Variants in ZIM2 observed in about 807,000 individuals in gnomAD.
ZIM2 encodes the protein zinc finger protein 656.
ZIM2 carries 14 observed loss-of-function variants against 38.6 expected under a neutral mutation model. The ratio of observed to expected loss-of-function variants is 0.36; its 90% CI spans 0.24 to 0.57. The LOEUF is 0.57. ZIM2 is among the 20% of genes least tolerant of loss of function. ZIM2 has a pLI of 0.81. For missense variants in ZIM2, 680 were observed against 695.1 expected (o/e 0.98, Z 0.24); for synonymous variants, 247 against 245.8 (o/e 1.00, Z -0.04).
intron 11 of ZIM2, 73 bp from the exon 12 acceptor site, chr19:56,779,545 A>G: frequency 7.0e-7 from 1 of 1,432,752 alleles, no homozygotes; most frequent in Admixed American, 1.7e-5. Context: ...CTCTGGAATA[A>G]TAAGGAAGGA....
chr19:56,822,641 T>C (rs2146323700), intron 6 of ZIM2, 112 bp downstream of exon 6: 3 of 1,442,248 alleles, frequency 2.1e-6, no homozygotes, highest in Non-Finnish European at 2.8e-6. Context: ...GGAAGCGGAA[T>C]ATACTCCAAA....
At chr19:56,788,658 G>T (rs1386172590) in intron 10 of ZIM2, among the ~76,000 whole-genome samples, 1 of 152,088 alleles carries the variant, frequency 6.6e-6, no homozygotes, top group African/African-American at 2.4e-5. Context: ...GTATTTTTGT[G>T]GTGGTCTCTG....
chr19:56,783,492 G>A (rs779672005), intron 10 of ZIM2, among the ~76,000 whole-genome samples: 5 of 152,096 alleles, frequency 3.3e-5, no homozygotes, highest in East Asian at 1.9e-4. Context: ...GAACAAAATC[G>A]TGTCCTCTGC....
At chr19:56,782,992 C>G (rs2046404244) in intron 10 of ZIM2, among the ~76,000 whole-genome samples, 1 of 151,708 alleles carries the variant, frequency 6.6e-6, no homozygotes, top group Non-Finnish European at 1.5e-5. Context: ...ACTTGCTAAC[C>G]ATCTCCACCT....
intron 1 of ZIM2, among the ~76,000 whole-genome samples, chr19:56,838,568 G>C (rs1166041709): frequency 6.6e-6 from 1 of 152,208 alleles, no homozygotes; most frequent in East Asian, 1.9e-4. Context: ...GGTGAACAAA[G>C]TCTTGGTCAG....
At chr19:56,816,520 G>T (rs781110689) in intron 9 of ZIM2, 2 of 1,613,458 alleles carry the variant, frequency 1.2e-6, no homozygotes, top group Admixed American at 1.7e-5. Flanking sequence ...TTCTTTCAGG[G>T]ATGAGCTATG....
intron 9 of ZIM2, among the ~76,000 whole-genome samples, chr19:56,808,324 T>C (rs2146035264): frequency 6.6e-6 from 1 of 152,304 alleles, no homozygotes; most frequent in Admixed American, 6.5e-5. Flanking sequence ...CTTGAACTAC[T>C]TTGGTTTGAG....
chr19:56,835,579 C>T (rs2062010988), intron 2 of ZIM2, among the ~76,000 whole-genome samples: 1 of 152,318 alleles, frequency 6.6e-6, no homozygotes, highest in East Asian at 1.9e-4. Context: ...TGTTCTCTTG[C>T]AAAAGTATAA....
intron 6 of ZIM2, 83 bp downstream of exon 6, chr19:56,822,670 G>A (rs761720909): frequency 1.7e-5 from 26 of 1,549,260 alleles, no homozygotes; most frequent in Non-Finnish European, 2.1e-5. Context: ...CAGAAACTTC[G>A]AGGCCCTGGC....
intron 1 of ZIM2, among the ~76,000 whole-genome samples, chr19:56,838,714 G>A (rs1401397187): frequency 6.6e-6 from 1 of 152,172 alleles, no homozygotes; most frequent in Admixed American, 6.5e-5. Context: ...CACGTCTCCC[G>A]GCTCCCCCAG....
intron 1 of ZIM2, among the ~76,000 whole-genome samples, chr19:56,837,226 C>A (rs1234615960): frequency 6.6e-6 from 1 of 152,026 alleles, no homozygotes; most frequent in African/African-American, 2.4e-5. Context: ...TCTCCAGAGG[C>A]CCCACCCTAC....
Position 56,789,933 on chromosome 19 carries a change from G to C in ZIM2, c.509C>G (p.Ser170Cys), listed in dbSNP as rs1414410779. 1.3e-6 allele frequency: 2 copies of C among 1,574,682 alleles called. No individual in the cohort carries two copies. Among genetic ancestry groups the C allele is most frequent in the Non-Finnish European group, 8.7e-7 (1 of 1,153,156 alleles). The change falls in exon 10 of 13, where the codon TCT becomes TGT. Residue 170 changes from serine to cysteine, a missense_variant. By Grantham distance (112) the Ser-to-Cys change is moderately radical. Coordinates refer to ENST00000629319, the MANE Select transcript of ZIM2 (RefSeq NM_001387356.1). ...STSRGFLAQD[S>C]VPAEKRNTEM... ...TGTGTTCCTCTTTTCTGCAGGGACA[G>C]AGTCCTGAGCAAGGAAACCTAGAAG...
chr19:56,805,418 A>C (rs2047710259), intron 9 of ZIM2, among the ~76,000 whole-genome samples: 1 of 152,222 alleles, frequency 6.6e-6, no homozygotes, highest in African/African-American at 2.4e-5. Context: ...TTGGTTCTGC[A>C]GTAGACATGT....
At chr19:56,829,876 C>T (rs1243702386) in intron 2 of ZIM2, among the ~76,000 whole-genome samples, 6 of 152,240 alleles carry the variant, frequency 3.9e-5, no homozygotes, top group Non-Finnish European at 8.8e-5. Flanking sequence ...CACTTGGCCC[C>T]CACTTCCCCA....
At chr19:56,812,068 T>C (rs1419069967) in intron 9 of ZIM2, 8 of 982,924 alleles carry the variant, frequency 8.1e-6, no homozygotes, top group Non-Finnish European at 9.7e-6. Context: ...CAGTGGGTAC[T>C]TTAATTTTGC....
rs774698059 is a variant in ZIM2 at position 56,822,802 on chromosome 19, T to C, written c.141A>G (p.Arg47=). 4 of 1,614,140 alleles carry C rather than the reference T, an allele frequency of 2.5e-6. No individual in the cohort carries two copies. The highest frequency in any genetic ancestry group is 1.7e-6 in the Non-Finnish European group (2 of 1,180,020). Residue 47 remains arginine (R), a synonymous_variant, in exon 6 of 13, where the codon AGA becomes AGG. Transcript: ENST00000629319. The part of the protein sequence containing the change: ...DRDWDRRGRS[R]DMEPRDRWSH... ...ACCAGCGGTCTCGTGGCTCCATGTC[T>C]CTGCTTCTGCCCCTCCGGTCCCAGT...
At chr19:56,779,158 G>C (rs112912374) in intron 12 of ZIM2, among the ~76,000 whole-genome samples, 1,818 of 152,214 alleles carry the variant, frequency 0.012, 35 homozygotes, top group African/African-American at 0.041. Flanking sequence ...GGAAGGGCTG[G>C]AACACGAGGG....
At chr19:56,823,787 T>A (rs2060741767) in intron 4 of ZIM2, 108 bp from the exon 5 acceptor site, 2 of 1,299,216 alleles carry the variant, frequency 1.5e-6, no homozygotes, top group Non-Finnish European at 2.2e-6. Context: ...ATGGTTGGAA[T>A]GACCTGATCC....
chr19:56,817,106 C>G (rs2060046839), intron 9 of ZIM2: 12 of 1,614,150 alleles, frequency 7.4e-6, no homozygotes, highest in Non-Finnish European at 1.0e-5. Context: ...GCCCCAAAAT[C>G]AATTGGCTGT....
Sources: allele counts gnomAD v4.1 joint callset (sites outside exome capture counted in the v4.1 genomes callset), GRCh38; gene constraint gnomAD v4.1.1; transcripts MANE v1.5; gene names NCBI Gene and HGNC (gene_info 2026-07-23, HGNC 2026-07-21).